Variants in EPHX1 observed in about 807,000 individuals in gnomAD.
EPHX1 encodes the protein epoxide hydratase.
In EPHX1, 40 loss-of-function variants were observed where a neutral mutation model predicts 43.2. That is an observed-to-expected ratio of 0.93 (90% CI 0.72 to 1.21). EPHX1 has a LOEUF of 1.21. EPHX1 is among the 50% of genes most tolerant of loss of function. EPHX1 has a pLI of 0.00. For missense variants in EPHX1, 550 were observed against 570.4 expected, an observed-to-expected ratio of 0.96 and a Z score of 0.36; for synonymous variants, 221 against 226.7, an observed-to-expected ratio of 0.98 and a Z score of 0.22.
At chr1:225,814,869 G>A (rs1304961612) in intron 1 of EPHX1, among the ~76,000 whole-genome samples, 4 of 152,218 alleles carry the variant, frequency 2.6e-5, no homozygotes, top group East Asian at 1.9e-4. Flanking sequence ...GGCTAATTTC[G>A]GAGAGACTTT....
chr1:225,811,074 G>A (rs61837995), intron 1 of EPHX1, among the ~76,000 whole-genome samples: 16,194 of 152,202 alleles, frequency 0.11, 1,099 homozygotes, highest in East Asian at 0.19. Flanking sequence ...GGGATTGAAG[G>A]CCAGCCCTCT....
At chr1:225,816,235 G>A (rs752052791) in intron 1 of EPHX1, among the ~76,000 whole-genome samples, 4 of 152,212 alleles carry the variant, frequency 2.6e-5, no homozygotes, top group Non-Finnish European at 5.9e-5. Context: ...CGAGGCTGCA[G>A]TGAGCTGAGA....
chr1:225,826,845 G>A (rs1401864970), intron 1 of EPHX1, among the ~76,000 whole-genome samples: 1 of 152,098 alleles, frequency 6.6e-6, no homozygotes, highest in African/African-American at 2.4e-5. Context: ...ATGGCATGAG[G>A]ACTTGGTGAT....
At chr1:225,818,730 A>G (rs1386611476) in intron 1 of EPHX1, among the ~76,000 whole-genome samples, 2 of 152,064 alleles carry the variant, frequency 1.3e-5, no homozygotes, top group African/African-American at 4.8e-5. Flanking sequence ...AGGCCACACT[A>G]ACCCAAGGAC....
At chr1:225,836,733 T>C (rs570129034) in intron 3 of EPHX1, among the ~76,000 whole-genome samples, 1 of 152,194 alleles carries the variant, frequency 6.6e-6, no homozygotes, top group East Asian at 1.9e-4. Context: ...GAATCTGAAA[T>C]AGTCAAACTC....
rs558420728 is a variant in EPHX1 at position 225,844,573 on chromosome 1, C to A, written c.1116C>A (p.Arg372=). 8.1e-6 allele frequency: 13 copies of A among 1,614,176 alleles called. No homozygotes were observed. In the South Asian group the frequency reaches 1.4e-4, roughly 18 times the overall value. The change falls in exon 8 of 9, where the codon CGC becomes CGA. Residue 372 remains arginine, a synonymous_variant. Coordinates refer to ENST00000272167, the MANE Select transcript of EPHX1 (RefSeq NM_001136018.4). ...CAGGCACCATCATCTCCTCCCAGCG[C>A]TTCTACAAGGAGAACCTGGGACAGG... ...WTTGTIISSQ[R]FYKENLGQGW... is the part of the protein sequence containing the mutation.
chr1:225,833,127 G>A (rs1667710151), intron 3 of EPHX1, among the ~76,000 whole-genome samples: 1 of 152,096 alleles, frequency 6.6e-6, no homozygotes, highest in Non-Finnish European at 1.5e-5. Context: ...CTGAATAGCT[G>A]GTACTATAGG....
chr1:225,839,411 A>G, intron 5 of EPHX1, 65 bp downstream of exon 5: 1 of 1,506,114 alleles, frequency 6.6e-7, no homozygotes, highest in Non-Finnish European at 8.9e-7. Context: ...GTCCTCTAAG[A>G]AGTGGACCTG....
rs59007136 is a variant in EPHX1 at position 225,834,112 on chromosome 1, G to GAAA, written c.364+2164_364+2166dup. 1.6e-3 allele frequency among the ~76,000 whole-genome samples: 165 copies of GAAA among 105,802 alleles called. 24 individuals are homozygous for GAAA. Among genetic ancestry groups the GAAA allele is most frequent in the African/African-American group, 3.5e-3 (90 of 25,972 alleles). 69.4% of individuals were successfully genotyped at this position (105,802 alleles called of 152,430 possible). On this transcript the variant is annotated intron_variant, in intron 3 of 8. Coordinates refer to ENST00000272167, the MANE Select transcript of EPHX1 (RefSeq NM_001136018.4). The stretch of plus-strand genomic sequence containing the variant: ...GACTCTGTCTCAAAAAAAAAAAAAA[G>GAAA]AAAAAAAAAAAAAGCCGGGTGCGGT...
intron 3 of EPHX1, among the ~76,000 whole-genome samples, chr1:225,834,978 G>C (rs1667873002): frequency 6.6e-6 from 1 of 152,206 alleles, no homozygotes; most frequent in Non-Finnish European, 1.5e-5. Context: ...GCGGTGTTCT[G>C]AAGGAGGAGG....
intron 3 of EPHX1, among the ~76,000 whole-genome samples, chr1:225,835,293 A>G (rs1263694387): frequency 6.7e-6 from 1 of 150,096 alleles, no homozygotes; most frequent in Non-Finnish European, 1.5e-5. Context: ...ATCACAGTTC[A>G]TTGCAGCCTC....
chr1:225,833,725 A>G (rs1293416499), intron 3 of EPHX1, among the ~76,000 whole-genome samples: 3 of 140,540 alleles, frequency 2.1e-5, no homozygotes, highest in Non-Finnish European at 4.6e-5. Context: ...AACCCAGGAG[A>G]TGGAGCTTGT....
chr1:225,819,594 C>T (rs1321277782), intron 1 of EPHX1, among the ~76,000 whole-genome samples: 1 of 151,886 alleles, frequency 6.6e-6, no homozygotes, highest in Non-Finnish European at 1.5e-5. Context: ...ATATCTGTGG[C>T]GGAGTGAAGG....
chr1:225,823,124 G>A (rs1430598337), intron 1 of EPHX1, among the ~76,000 whole-genome samples: 1 of 152,044 alleles, frequency 6.6e-6, no homozygotes, highest in African/African-American at 2.4e-5. Flanking sequence ...CTTGCCCAGA[G>A]CCCCTCAACT....
intron 2 of EPHX1, among the ~76,000 whole-genome samples, chr1:225,831,446 A>AG: frequency 6.6e-6 from 1 of 151,932 alleles, no homozygotes; most frequent in Non-Finnish European, 1.5e-5. Context: ...CTACTCTGGG[A>AG]GCTGAGGCAT....
rs114634141 is a variant in EPHX1 at position 225,820,548 on chromosome 1, G to A, written c.-5-8177G>A. On this transcript the variant is annotated intron_variant, in intron 1 of 8. Coordinates refer to ENST00000272167, the MANE Select transcript of EPHX1 (RefSeq NM_001136018.4). ...AGTAATAAATGAGACAACTACACTC[G>A]GAAATGTGGAATCATCAACTCTTAT... 6.0e-3 allele frequency among the ~76,000 whole-genome samples: 917 copies of A among 152,216 alleles called. 13 individuals carry two copies. Among genetic ancestry groups the A allele is most frequent in the African/African-American group, 0.021 (855 of 41,532 alleles).
chr1:225,837,767 G>A (rs1016008179), intron 3 of EPHX1, among the ~76,000 whole-genome samples: 16 of 152,068 alleles, frequency 1.1e-4, no homozygotes, highest in African/African-American at 3.4e-4. Context: ...TGATCCACCC[G>A]CCTCAGCCTT....
intron 3 of EPHX1, among the ~76,000 whole-genome samples, chr1:225,834,550 C>G (rs1282554675): frequency 7.0e-6 from 1 of 142,368 alleles, no homozygotes; most frequent in Non-Finnish European, 1.5e-5. Flanking sequence ...GGTGTGTGTC[C>G]TGGAACTAGA....
At chr1:225,832,398 T>C (rs1559021530) in intron 3 of EPHX1, among the ~76,000 whole-genome samples, 1 of 152,124 alleles carries the variant, frequency 6.6e-6, no homozygotes, top group Non-Finnish European at 1.5e-5. Flanking sequence ...TAGCCAGGTG[T>C]GTTGGCAGGC....
Sources: allele counts gnomAD v4.1 joint callset (sites outside exome capture counted in the v4.1 genomes callset), GRCh38; gene constraint gnomAD v4.1.1; transcripts MANE v1.5; gene names NCBI Gene and HGNC (gene_info 2026-07-23, HGNC 2026-07-21).